SLC24A3: variants seen among roughly 807,000 people sequenced by gnomAD.
SLC24A3 encodes sodium/potassium/calcium exchanger 3.
SLC24A3 carries 28 observed loss-of-function variants against 75.8 expected under a neutral mutation model. The ratio of observed to expected loss-of-function variants is 0.37; its 90% CI spans 0.27 to 0.51. The LOEUF is 0.51. Among genes scored for constraint, SLC24A3 ranks in the 20% least tolerant of loss-of-function variants. The pLI, the probability that SLC24A3 is intolerant of heterozygous loss-of-function variation, is 0.94. For synonymous variants in SLC24A3, 372 were observed against 334.1 expected, an observed-to-expected ratio of 1.11 and a Z score of -1.24; for missense variants, 663 against 847.8, an observed-to-expected ratio of 0.78 and a Z score of 2.71.
intron 15 of SLC24A3, among the ~76,000 whole-genome samples, chr20:19,710,759 T>C (rs1469210672): frequency 6.6e-6 from 1 of 152,248 alleles, no homozygotes; most frequent in Non-Finnish European, 1.5e-5. Context: ...CAGGGAAAGT[T>C]ACTGGGATGA....
Position 19,354,352 on chromosome 20 carries a change from G to A in SLC24A3, c.271+73265G>A, listed in dbSNP as rs574666231. Among the ~76,000 whole-genome samples, 4 of 152,282 alleles carry A rather than the reference G, an allele frequency of 2.6e-5. No homozygotes were observed. The South Asian group carries it at 6.2e-4, about 24-fold the overall frequency. ...GTATGAGAGTCTAGGAAATGCAAAC[G>A]AGGCAATAGGAGCAGAAAGCAGCTC... On this transcript the variant is annotated intron_variant, in intron 2 of 16. Coordinates refer to ENST00000328041, the MANE Select transcript of SLC24A3 (RefSeq NM_020689.4).
At chr20:19,222,205 C>T (rs1304034730) in intron 1 of SLC24A3, among the ~76,000 whole-genome samples, 1 of 152,158 alleles carries the variant, frequency 6.6e-6, no homozygotes, top group Non-Finnish European at 1.5e-5. Context: ...TATCATCTCC[C>T]ATATCCCTAA....
At chr20:19,460,056 G>A (rs537819972) in intron 2 of SLC24A3, among the ~76,000 whole-genome samples, 57 of 152,322 alleles carry the variant, frequency 3.7e-4, no homozygotes, top group African/African-American at 1.3e-3. Context: ...AAGTGGGCCA[G>A]GGTGAGGGTG....
chr20:19,384,175 G>A (rs1040712679), intron 2 of SLC24A3, among the ~76,000 whole-genome samples: 1 of 152,038 alleles, frequency 6.6e-6, no homozygotes, highest in Non-Finnish European at 1.5e-5. Flanking sequence ...TAGCATTTTT[G>A]TTTCATGTTA....
At chr20:19,496,313 C>T (rs916105146) in intron 2 of SLC24A3, among the ~76,000 whole-genome samples, 2 of 152,184 alleles carry the variant, frequency 1.3e-5, no homozygotes, top group East Asian at 1.9e-4. Context: ...TGCTTTTCCA[C>T]TGAGCAAAAA....
intron 3 of SLC24A3, among the ~76,000 whole-genome samples, chr20:19,544,326 G>A (rs1243938375): frequency 1.3e-5 from 2 of 152,136 alleles, no homozygotes; most frequent in Non-Finnish European, 2.9e-5. Flanking sequence ...AGAAGCCCTT[G>A]AAAAGTGAGA....
chr20:19,660,290 AC>A (rs576935868), intron 7 of SLC24A3, among the ~76,000 whole-genome samples: 12 of 134,400 alleles, frequency 8.9e-5, no homozygotes, highest in Admixed American at 6.1e-4. Flanking sequence ...CCCTCCTCCC[AC>A]CCCCCCACCT....
intron 3 of SLC24A3, among the ~76,000 whole-genome samples, chr20:19,529,829 G>C (rs112432020): frequency 0.013 from 1,961 of 152,208 alleles, 43 homozygotes; most frequent in South Asian, 0.045. Flanking sequence ...TCTTGCTTGC[G>C]TGTGAACCCT....
At chr20:19,678,871 C>T (rs914895006) in intron 9 of SLC24A3, among the ~76,000 whole-genome samples, 2 of 150,682 alleles carry the variant, frequency 1.3e-5, no homozygotes, top group Non-Finnish European at 1.5e-5. Flanking sequence ...GACGGGGTCG[C>T]GGCCGGGCAG....
chr20:19,327,078 T>C (rs192305824), intron 2 of SLC24A3, among the ~76,000 whole-genome samples: 6 of 152,346 alleles, frequency 3.9e-5, no homozygotes. Context: ...AAAAACGTAC[T>C]AATATTTAGC....
At chr20:19,279,715 CT>C (rs1017978401) in intron 1 of SLC24A3, among the ~76,000 whole-genome samples, 1 of 152,192 alleles carries the variant, frequency 6.6e-6, no homozygotes, top group African/African-American at 2.4e-5. Context: ...TTGCTGATGA[CT>C]TCCCTGAGGC....
chr20:19,433,701 C>T lies in SLC24A3; in HGVS notation c.272-81787C>T, dbSNP rs183667564. On this transcript the variant is annotated intron_variant, in intron 2 of 16. Transcript: ENST00000328041. ...CCAACAAATTAGGAGACAACTGCCACTGAAAAAATAGTGCGTAGCAATAGC... is the reference window on the plus strand; with the variant it reads ...CCAACAAATTAGGAGACAACTGCCATTGAAAAAATAGTGCGTAGCAATAGC... Among the ~76,000 whole-genome samples the T allele has an allele frequency of 4.1e-3, 628 of 152,276 alleles. 14 individuals are homozygous for T. Among genetic ancestry groups the T allele is most frequent in the South Asian group, 1.4e-3 (7 of 4,830 alleles).
rs1218752126 is a variant in SLC24A3 at position 19,374,107 on chromosome 20, C to T, written c.271+93020C>T. 3.9e-5 allele frequency among the ~76,000 whole-genome samples: 6 copies of T among 152,212 alleles called. No homozygotes were observed. In the East Asian group the frequency reaches 7.7e-4, roughly 20 times the overall value. Reference sequence around the variant, plus strand: ...ATCCGGTAAAGAAAGAGCCTCAGATCGGGGAAGCATAGAGGAATGGTTTAT... The same window carrying T: ...ATCCGGTAAAGAAAGAGCCTCAGATTGGGGAAGCATAGAGGAATGGTTTAT... On this transcript the variant is annotated intron_variant, in intron 2 of 16. Transcript: ENST00000328041.
At chr20:19,640,215 C>T (rs897023347) in intron 6 of SLC24A3, among the ~76,000 whole-genome samples, 6 of 152,224 alleles carry the variant, frequency 3.9e-5, no homozygotes, top group African/African-American at 1.4e-4. Context: ...GTAATGCAGG[C>T]ACAAGTGTGT....
chr20:19,368,040 G>T (rs1233379568), intron 2 of SLC24A3, among the ~76,000 whole-genome samples: 1 of 152,216 alleles, frequency 6.6e-6, no homozygotes, highest in Non-Finnish European at 1.5e-5. Context: ...AGATATTCAA[G>T]TGTTAATTTC....
At chr20:19,323,062 C>T (rs867922155) in intron 2 of SLC24A3, among the ~76,000 whole-genome samples, 26 of 151,456 alleles carry the variant, frequency 1.7e-4, no homozygotes, top group South Asian at 8.4e-4. Context: ...AAAAATTAGC[C>T]GGGCGTGGTA....
chr20:19,660,897 C>A (rs969539536), intron 7 of SLC24A3, among the ~76,000 whole-genome samples: 2 of 152,056 alleles, frequency 1.3e-5, no homozygotes, highest in African/African-American at 2.4e-5. Flanking sequence ...TTAAACAAAT[C>A]GACTATGGTC....
intron 2 of SLC24A3, among the ~76,000 whole-genome samples, chr20:19,437,534 A>G (rs73288789): frequency 0.024 from 3,580 of 152,310 alleles, 160 homozygotes; most frequent in African/African-American, 0.082. Context: ...CAGAATTAGT[A>G]GAAGTGAGAA....
chr20:19,625,052 G>T (rs772507295), intron 6 of SLC24A3, among the ~76,000 whole-genome samples: 3 of 152,152 alleles, frequency 2.0e-5, no homozygotes, highest in African/African-American at 4.8e-5. Context: ...GCTATCCCAG[G>T]CTTGTTCACA....
Sources: gnomAD v4.1 joint callset for allele counts (sites outside exome capture counted in the v4.1 genomes callset) on GRCh38, gnomAD v4.1.1 for gene constraint, MANE v1.5 for transcripts, NCBI Gene and HGNC (gene_info 2026-07-23, HGNC 2026-07-21) for gene names.